CUX1: variants seen among roughly 807,000 people sequenced by gnomAD.
CUX1 encodes the protein protein CASP.
In CUX1, 31 loss-of-function variants were observed where a neutral mutation model predicts 158.8. That is an observed-to-expected ratio of 0.20 (90% CI 0.15 to 0.26). The LOEUF is 0.26. CUX1 is among the 10% of genes least tolerant of loss of function. The probability of loss-of-function intolerance (pLI) is 1.00; values close to 1 mark genes in which losing one functional copy is unlikely to be tolerated. For synonymous variants in CUX1, 879 were observed against 862.1 expected (o/e 1.02, Z -0.34); for missense variants, 1,589 against 2,014.6 (o/e 0.79, Z 4.04).
intron 1 of CUX1, among the ~76,000 whole-genome samples, chr7:101,842,872 A>ATTT (rs375610847): frequency 0.045 from 4,787 of 105,764 alleles, 330 homozygotes; most frequent in Non-Finnish European, 0.07. Context: ...AAATTATTCT[A>ATTT]TTTTTTTTTT....
intron 12 of CUX1, among the ~76,000 whole-genome samples, chr7:102,192,431 AG>A (rs1184109381): frequency 6.6e-6 from 1 of 152,216 alleles, no homozygotes; most frequent in Admixed American, 6.5e-5. Context: ...AGCGGATAGC[AG>A]GCTGCTGGTA....
intron 17 of CUX1, chr7:102,277,933 G>GCCCC: frequency 2.5e-6 from 2 of 799,650 alleles, no homozygotes; most frequent in African/African-American, 1.9e-5. Context: ...CCCTTTCCTT[G>GCCCC]CCCCTCCCCC....
intron 2 of CUX1, chr7:101,960,372 C>G (rs1354086001): frequency 6.6e-6 from 1 of 152,192 alleles, no homozygotes; most frequent in African/African-American, 2.4e-5. Context: ...CAGTGGCTCA[C>G]GCCTGTAAGC....
chr7:101,915,317 C>A (rs767793761), intron 1 of CUX1, among the ~76,000 whole-genome samples: 1 of 152,130 alleles, frequency 6.6e-6, no homozygotes, highest in Non-Finnish European at 1.5e-5. Context: ...GGTTCTCTGG[C>A]GCGTTGATTA....
chr7:102,072,808 G>GGT (rs1826274298), intron 4 of CUX1, among the ~76,000 whole-genome samples: 1 of 152,138 alleles, frequency 6.6e-6, no homozygotes, highest in Non-Finnish European at 1.5e-5. Flanking sequence ...TTGTGCATAA[G>GGT]GTAGTGACTG....
At chr7:102,071,513 T>C (rs1826131138) in intron 4 of CUX1, among the ~76,000 whole-genome samples, 1 of 152,128 alleles carries the variant, frequency 6.6e-6, no homozygotes, top group African/African-American at 2.4e-5. Context: ...ACTTGATGCC[T>C]TTTTCTGCCA....
chr7:102,241,171 G>A (rs1378330472), intron 23 of CUX1, among the ~76,000 whole-genome samples: 1 of 152,188 alleles, frequency 6.6e-6, no homozygotes, highest in Non-Finnish European at 1.5e-5. Context: ...GGGCTAAGGA[G>A]GTCAGGCCCC....
intron 4 of CUX1, among the ~76,000 whole-genome samples, chr7:102,085,748 C>T (rs1402678597): frequency 6.6e-6 from 1 of 152,042 alleles, no homozygotes; most frequent in African/African-American, 2.4e-5. Flanking sequence ...TTTGAATATC[C>T]ATATAGGGTT....
chr7:102,050,872 C>T (rs1823411100), intron 3 of CUX1, among the ~76,000 whole-genome samples: 1 of 151,972 alleles, frequency 6.6e-6, no homozygotes, highest in South Asian at 2.1e-4. Context: ...CCTGCTAAGA[C>T]CCTGTGAATT....
chr7:101,839,762 T>G (rs532638832), intron 1 of CUX1, among the ~76,000 whole-genome samples: 1 of 152,256 alleles, frequency 6.6e-6, no homozygotes, highest in South Asian at 2.1e-4. Flanking sequence ...TCAATTTTCT[T>G]TCTTTTTTTT....
chr7:102,055,122 T>G (rs989975946), intron 3 of CUX1, among the ~76,000 whole-genome samples: 1 of 152,240 alleles, frequency 6.6e-6, no homozygotes, highest in African/African-American at 2.4e-5. Context: ...CAGCAGTGTT[T>G]TGTGGTTTTT....
At chr7:102,094,094 C>G (rs1828940365) in intron 4 of CUX1, among the ~76,000 whole-genome samples, 1 of 152,182 alleles carries the variant, frequency 6.6e-6, no homozygotes, top group Non-Finnish European at 1.5e-5. Context: ...CGCCAAAATT[C>G]ATTGTTTTGG....
chr7:101,843,555 T>A (rs903019342), intron 1 of CUX1, among the ~76,000 whole-genome samples: 3 of 152,228 alleles, frequency 2.0e-5, no homozygotes, highest in Admixed American at 2.0e-4. Flanking sequence ...CTTATGTGAT[T>A]AGTTTTTCCT....
At chr7:102,109,936 T>A (rs190815379) in intron 6 of CUX1, among the ~76,000 whole-genome samples, 5 of 152,262 alleles carry the variant, frequency 3.3e-5, no homozygotes, top group African/African-American at 9.6e-5. Context: ...GAAAGAAACC[T>A]AGAAACAATC....
At chr7:102,275,380 C>T in intron 17 of CUX1, 1 of 1,581,656 alleles carries the variant, frequency 6.3e-7, no homozygotes, top group African/African-American at 1.3e-5. Context: ...TCCTTCTCTC[C>T]CTGATGCTCC....
chr7:101,841,119 T>A (rs1393979677), intron 1 of CUX1, among the ~76,000 whole-genome samples: 1 of 152,030 alleles, frequency 6.6e-6, no homozygotes, highest in Non-Finnish European at 1.5e-5. Context: ...GGTCTCGATC[T>A]CCTGACTTTG....
At chr7:101,957,927 G>A (rs529965054) in intron 2 of CUX1, among the ~76,000 whole-genome samples, 10 of 152,200 alleles carry the variant, frequency 6.6e-5, no homozygotes, top group Admixed American at 2.6e-4. Flanking sequence ...CCCAGCTGCC[G>A]TTTACTCACT....
chr7:102,239,033 C>T (rs1170596038), intron 22 of CUX1, among the ~76,000 whole-genome samples: 4 of 152,126 alleles, frequency 2.6e-5, no homozygotes, highest in African/African-American at 7.2e-5. Flanking sequence ...ATTACAGGTG[C>T]GTACCACCAC....
chr7:102,275,506 A>G (rs1266166679), intron 17 of CUX1: 4 of 625,812 alleles, frequency 6.4e-6, no homozygotes, highest in Non-Finnish European at 8.1e-6. Context: ...GGCTTCCTGG[A>G]GGAGGTCATG....
Sources: allele counts gnomAD v4.1 joint callset (sites outside exome capture counted in the v4.1 genomes callset), GRCh38; gene constraint gnomAD v4.1.1; transcripts MANE v1.5; gene names NCBI Gene and HGNC (gene_info 2026-07-23, HGNC 2026-07-21).